Variants in SPPL3 observed in about 807,000 individuals in gnomAD.
SPPL3 encodes the protein signal peptide peptidase-like 3.
Under a neutral mutation model 42.4 loss-of-function variants are expected in SPPL3, and 5 were observed. The observed-to-expected ratio is 0.12, with a 90% confidence interval of 0.06 to 0.25. The LOEUF (loss-of-function observed/expected upper bound fraction) is 0.25, where lower values mean the gene tolerates loss of function less well. SPPL3 is among the 10% of genes least tolerant of loss of function. SPPL3 has a pLI of 1.00. For synonymous variants in SPPL3, 195 were observed against 181.8 expected (o/e 1.07, Z -0.58); for missense variants, 235 against 489.0 (o/e 0.48, Z 4.90).
chr12:120,789,980 T>C (rs571855973), intron 3 of SPPL3, among the ~76,000 whole-genome samples: 15 of 152,122 alleles, frequency 9.9e-5, no homozygotes, highest in Non-Finnish European at 1.9e-4. Context: ...TGTGATGCAA[T>C]GTACAGCAGA....
chr12:120,803,707 G>A (rs2136995951), intron 2 of SPPL3, among the ~76,000 whole-genome samples: 2 of 152,084 alleles, frequency 1.3e-5, no homozygotes, highest in African/African-American at 4.8e-5. Context: ...AACTTACAGT[G>A]GTTTTATAAA....
In SPPL3 at chr12:120,784,149, T is replaced by C. The variant is rs957468707; in HGVS notation, c.310+325A>G. On this transcript the variant is annotated intron_variant, in intron 4 of 10. Transcript: ENST00000353487. ...GGGTAGAGGCTGACAATGGCCTCTA[T>C]GCCAAGCTCAACCTTCTGGTAATCT... is the stretch of plus-strand genomic sequence containing the variant. 5.1e-5 allele frequency: 13 copies of C among 253,130 alleles called. No homozygotes were observed. The South Asian group carries it at 6.6e-4, about 13-fold the overall frequency. 15.7% of individuals were successfully genotyped at this position (253,130 alleles called of 1,614,324 possible).
At chr12:120,808,403 T>C (rs563418712) in intron 2 of SPPL3, among the ~76,000 whole-genome samples, 65 of 152,122 alleles carry the variant, frequency 4.3e-4, no homozygotes, top group Admixed American at 1.8e-3. Context: ...ACAGGGAGGT[T>C]CACCAGAGAA....
At chr12:120,862,118 T>C (rs1872632351) in intron 1 of SPPL3, among the ~76,000 whole-genome samples, 1 of 152,224 alleles carries the variant, frequency 6.6e-6, no homozygotes, top group South Asian at 2.1e-4. Context: ...CATTTGTTTA[T>C]ATAGATTATA....
rs11065289 is a variant in SPPL3 at position 120,839,862 on chromosome 12, G to T, written c.24-28976C>A. ...ATGTACACATATATAAAAAAAAAAT[G>T]AACACAAATGTTCAAAGCAGCAGTA... On this transcript the variant is annotated intron_variant, in intron 1 of 10. Coordinates refer to ENST00000353487, the MANE Select transcript of SPPL3 (RefSeq NM_139015.5). 0.011 allele frequency among the ~76,000 whole-genome samples: 1,655 copies of T among 151,962 alleles called. 154 individuals carry two copies. In the East Asian group the frequency reaches 0.23, roughly 21 times the overall value.
chr12:120,876,655 G>A (rs1475903769), intron 1 of SPPL3, among the ~76,000 whole-genome samples: 1 of 133,672 alleles, frequency 7.5e-6, no homozygotes, highest in East Asian at 2.4e-4. Flanking sequence ...AAAATATTTT[G>A]ACTTGAATGA....
At chr12:120,796,551 G>T (rs1322211565) in intron 2 of SPPL3, among the ~76,000 whole-genome samples, 4 of 151,860 alleles carry the variant, frequency 2.6e-5, no homozygotes, top group Non-Finnish European at 5.9e-5. Context: ...TGCCTGTCTG[G>T]TCATCTCTGC....
At chr12:120,795,497 T>C (rs1171853548) in intron 2 of SPPL3, among the ~76,000 whole-genome samples, 1 of 152,266 alleles carries the variant, frequency 6.6e-6, no homozygotes, top group Non-Finnish European at 1.5e-5. Flanking sequence ...ATTTTTGCTG[T>C]AGAATCTTAC....
rs746271623 is a variant in SPPL3 at position 120,783,655 on chromosome 12, G to A, written c.389+19C>T. ...TATATACAAGTTTATAATTTAAGAG[G>A]AAAGTCCCAAGTCCTTACTTGTTCT... On this transcript the variant is annotated intron_variant, in intron 5 of 10. Transcript: ENST00000353487. 2.5e-5 allele frequency: 39 copies of A among 1,579,342 alleles called. 1 individual carries two copies. Among genetic ancestry groups the A allele is most frequent in the Non-Finnish European group, 2.9e-5 (34 of 1,161,908 alleles).
At chr12:120,889,221 A>G (rs1033010594) in intron 1 of SPPL3, among the ~76,000 whole-genome samples, 3 of 152,200 alleles carry the variant, frequency 2.0e-5, no homozygotes, top group African/African-American at 7.2e-5. Flanking sequence ...GAAATGCTTC[A>G]TTTTAGAAGA....
chr12:120,768,642 T>C, intron 7 of SPPL3, 154 bp from the exon 8 acceptor site: 1 of 926,594 alleles, frequency 1.1e-6, no homozygotes, highest in Non-Finnish European at 1.6e-6. Flanking sequence ...GCTCTTCCTG[T>C]GTACTTGCCA....
At chr12:120,878,790 T>C (rs1481838429) in intron 1 of SPPL3, among the ~76,000 whole-genome samples, 1 of 152,128 alleles carries the variant, frequency 6.6e-6, no homozygotes, top group African/African-American at 2.4e-5. Flanking sequence ...GAAATAAAGC[T>C]ACAGCCTTGC....
intron 1 of SPPL3, among the ~76,000 whole-genome samples, chr12:120,880,511 G>A (rs566738349): frequency 6.6e-6 from 1 of 152,114 alleles, no homozygotes; most frequent in South Asian, 2.1e-4. Context: ...CAAATCGGCC[G>A]GGTGTGGTAG....
intron 1 of SPPL3, among the ~76,000 whole-genome samples, chr12:120,852,793 A>T (rs1872290085): frequency 1.8e-5 from 1 of 55,272 alleles, no homozygotes; most frequent in South Asian, 6.2e-4. Flanking sequence ...TATTTCATAT[A>T]TCATATATAC....
intron 1 of SPPL3, among the ~76,000 whole-genome samples, chr12:120,871,144 A>AAAAAAAAAAAAAAAAAAAAAAAAC (rs61249398): frequency 7.0e-6 from 1 of 142,124 alleles, no homozygotes; most frequent in Non-Finnish European, 1.5e-5. Flanking sequence ...AAAAAAAAAA[A>AAAAAAAAAAAAAAAAAAAAAAAAC]AAAAAGAAAA....
intron 1 of SPPL3, among the ~76,000 whole-genome samples, chr12:120,876,017 C>T (rs1292756600): frequency 3.3e-5 from 1 of 29,930 alleles, no homozygotes; most frequent in Admixed American, 1.0e-3. Context: ...AACAAACAGA[C>T]CCCCCCCACC....
At chr12:120,812,665 G>C (rs1555249647) in intron 1 of SPPL3, among the ~76,000 whole-genome samples, 2 of 152,144 alleles carry the variant, frequency 1.3e-5, no homozygotes, top group Non-Finnish European at 2.9e-5. Context: ...AGAAAACCAA[G>C]ATGAAAGAGA....
chr12:120,796,641 T>C (rs189119484), intron 2 of SPPL3, among the ~76,000 whole-genome samples: 3 of 152,328 alleles, frequency 2.0e-5, no homozygotes, highest in Admixed American at 2.0e-4. Context: ...TCAGGGATGC[T>C]GTTAGATACC....
At chr12:120,766,904 C>T (rs982281431) in intron 9 of SPPL3, among the ~76,000 whole-genome samples, 3 of 152,192 alleles carry the variant, frequency 2.0e-5, no homozygotes, top group Non-Finnish European at 4.4e-5. Context: ...AGCTCCTTTC[C>T]AGTCACTGTG....
Sources: allele counts gnomAD v4.1 joint callset (sites outside exome capture counted in the v4.1 genomes callset), GRCh38; gene constraint gnomAD v4.1.1; transcripts MANE v1.5; gene names NCBI Gene and HGNC (gene_info 2026-07-23, HGNC 2026-07-21).